PRKCB: variants seen among roughly 807,000 people sequenced by gnomAD.
The protein encoded by PRKCB is protein kinase C beta type.
Under a neutral mutation model 81.5 loss-of-function variants are expected in PRKCB, and 13 were observed. The ratio of observed to expected loss-of-function variants is 0.16; its 90% confidence interval spans 0.10 to 0.25. The LOEUF (loss-of-function observed/expected upper bound fraction) is 0.25, where lower values mean the gene tolerates loss of function less well. Ranked by LOEUF, PRKCB falls within the 10% of genes least tolerant of loss-of-function variation. The pLI, the probability that PRKCB is intolerant of heterozygous loss-of-function variation, is 1.00. For synonymous variants in PRKCB, 335 were observed against 321.4 expected (o/e 1.04, Z -0.45); for missense variants, 509 against 875.7 (o/e 0.58, Z 5.29).
chr16:23,958,976 G>C (rs1964388695), intron 2 of PRKCB, among the ~76,000 whole-genome samples: 1 of 152,068 alleles, frequency 6.6e-6, no homozygotes, highest in African/African-American at 2.4e-5. Flanking sequence ...GGTACCTCGG[G>C]CAAGTTACCT....
chr16:24,134,601 T>C (rs1966858965), intron 9 of PRKCB, among the ~76,000 whole-genome samples: 2 of 151,910 alleles, frequency 1.3e-5, no homozygotes, highest in Non-Finnish European at 2.9e-5. Context: ...AAATAAAAAT[T>C]AGCCGGGCGT....
chr16:24,101,691 T>C (rs932836735), intron 7 of PRKCB, among the ~76,000 whole-genome samples: 1 of 152,256 alleles, frequency 6.6e-6, no homozygotes, highest in African/African-American at 2.4e-5. Context: ...TCTTACACTG[T>C]CATAGCTTTT....
At chr16:24,041,614 C>T (rs1044699125) in intron 5 of PRKCB, among the ~76,000 whole-genome samples, 1 of 151,800 alleles carries the variant, frequency 6.6e-6, no homozygotes, top group Admixed American at 6.6e-5. Context: ...TAGACTGAAA[C>T]ATCTCCCTGA....
intron 2 of PRKCB, among the ~76,000 whole-genome samples, chr16:23,915,690 A>AAG (rs1491480109): frequency 8.3e-5 from 1 of 12,036 alleles, no homozygotes; most frequent in Non-Finnish European, 2.4e-4. Context: ...ACTCTCTATC[A>AAG]AAAAAAAAAA....
chr16:24,138,993 A>C (rs1411010051), intron 9 of PRKCB, among the ~76,000 whole-genome samples: 2 of 151,994 alleles, frequency 1.3e-5, no homozygotes, highest in Admixed American at 1.3e-4. Flanking sequence ...CTGAGATTAC[A>C]GGCATGCACC....
intron 2 of PRKCB, among the ~76,000 whole-genome samples, chr16:23,936,579 A>ATTTTT (rs57643578): frequency 2.3e-4 from 22 of 96,022 alleles, no homozygotes; most frequent in East Asian, 3.2e-4. Context: ...CACCCAACTA[A>ATTTTT]TTTTTTTTTT....
intron 5 of PRKCB, among the ~76,000 whole-genome samples, chr16:24,036,320 C>G (rs1965617964): frequency 3.3e-5 from 5 of 152,122 alleles, no homozygotes; most frequent in African/African-American, 1.2e-4. Context: ...CTCAGCAGCA[C>G]TGGCTTGAGG....
chr16:23,911,150 T>TTTTTTTTTTTTTTTTTTTC (rs1963647716), intron 2 of PRKCB, among the ~76,000 whole-genome samples: 1 of 137,032 alleles, frequency 7.3e-6, no homozygotes. Context: ...TTTTTTTTTT[T>TTTTTTTTTTTTTTTTTTTC]TTTGAGACAA....
At chr16:24,136,137 C>T (rs1373359461) in intron 9 of PRKCB, among the ~76,000 whole-genome samples, 3 of 149,456 alleles carry the variant, frequency 2.0e-5, no homozygotes, top group East Asian at 2.0e-4. Flanking sequence ...CCCAGATCCT[C>T]GTGAGGCCCT....
chr16:24,020,991 T>TCTTTCTTC, intron 3 of PRKCB, among the ~76,000 whole-genome samples: 1 of 127,612 alleles, frequency 7.8e-6, no homozygotes, highest in South Asian at 2.6e-4. Context: ...TTTCTTTCTT[T>TCTTTCTTC]CTTTCTTTCT....
chr16:24,172,763 A>G (rs1048623097), intron 11 of PRKCB, among the ~76,000 whole-genome samples: 1 of 152,106 alleles, frequency 6.6e-6, no homozygotes, highest in Admixed American at 6.5e-5. Context: ...AAAGCTCTAA[A>G]ACCACAGCTA....
intron 2 of PRKCB, among the ~76,000 whole-genome samples, chr16:23,950,073 C>T (rs915082601): frequency 2.0e-5 from 3 of 151,996 alleles, no homozygotes; most frequent in African/African-American, 7.3e-5. Context: ...GATGTGGCCT[C>T]CCCAGTGGCC....
At chr16:24,198,188 A>C (rs2141984602) in intron 16 of PRKCB, among the ~76,000 whole-genome samples, 1 of 152,362 alleles carries the variant, frequency 6.6e-6, no homozygotes, top group Non-Finnish European at 1.5e-5. Context: ...GTGGTAGTAC[A>C]TGGAGCTATA....
Position 24,215,430 on chromosome 16 carries a change from G to A in PRKCB, c.*614G>A, listed in dbSNP as rs1336388330. Reference sequence around the variant, plus strand: ...TAAAAGCACTTCAAGGGGTCAAAGGGCAACCAGCTTGGGTGCTACCTCAGT... The same window carrying A: ...TAAAAGCACTTCAAGGGGTCAAAGGACAACCAGCTTGGGTGCTACCTCAGT... On this transcript the variant is annotated 3_prime_UTR_variant, in exon 17 of 17. Coordinates refer to ENST00000643927, the MANE Select transcript of PRKCB (RefSeq NM_002738.7). The A allele has an allele frequency of 1.0e-6, 1 of 985,864 alleles. No homozygotes were observed. The highest frequency in any genetic ancestry group is 1.2e-6 in the Non-Finnish European group (1 of 830,004). The allele number at this position is 985,864 out of a possible 1,614,324, so 61.1% of individuals were successfully genotyped here. A position where few individuals can be genotyped will look rare whatever the true frequency, so the allele number is the denominator to read the frequency against.
intron 2 of PRKCB, among the ~76,000 whole-genome samples, chr16:23,887,157 A>T (rs1324018016): frequency 6.6e-6 from 1 of 152,034 alleles, no homozygotes; most frequent in Non-Finnish European, 1.5e-5. Context: ...TTGTAGACAG[A>T]TATGCTTGTA....
Position 24,092,947 on chromosome 16 carries a change from TG to T in PRKCB, c.686+1del. The stretch of plus-strand genomic sequence containing the variant: ...CCTGAGTGGAATGAGACATTTAGAT[TG>T]TAAGTGGAAATGACTGCAGTGAGCA... On this transcript the variant is annotated splice_donor_variant, in intron 6 of 16. Coordinates refer to ENST00000643927, the MANE Select transcript of PRKCB (RefSeq NM_002738.7). LOFTEE classifies it high-confidence loss of function. The T allele has an allele frequency of 6.2e-7, 1 of 1,613,276 alleles. No homozygotes were observed. The highest frequency in any genetic ancestry group is 1.3e-5 in the African/African-American group (1 of 74,994).
intron 6 of PRKCB, 107 bp downstream of exon 6, chr16:24,093,054 C>A: frequency 8.4e-7 from 1 of 1,193,180 alleles, no homozygotes; most frequent in Non-Finnish European, 1.1e-6. Context: ...TCCTTCCCTA[C>A]CTCCCTCCTT....
At chr16:23,956,295 A>AT (rs891854329) in intron 2 of PRKCB, among the ~76,000 whole-genome samples, 69 of 148,336 alleles carry the variant, frequency 4.7e-4, no homozygotes, top group Admixed American at 1.0e-3. Flanking sequence ...TTTTTGTAAT[A>AT]TTTTTTTTTT....
chr16:24,017,010 T>G (rs1430014901), intron 3 of PRKCB, among the ~76,000 whole-genome samples: 1 of 152,210 alleles, frequency 6.6e-6, no homozygotes, highest in Non-Finnish European at 1.5e-5. Flanking sequence ...AAGCAGCCAA[T>G]GATTGGCATT....
Sources: allele counts gnomAD v4.1 joint callset (sites outside exome capture counted in the v4.1 genomes callset), GRCh38; gene constraint gnomAD v4.1.1; transcripts MANE v1.5; gene names NCBI Gene and HGNC (gene_info 2026-07-23, HGNC 2026-07-21).